Variants in ZNF804A observed in about 807,000 individuals in gnomAD.
ZNF804A encodes the protein zinc finger protein 804A.
Under a neutral mutation model 16.5 loss-of-function variants are expected in ZNF804A, and 2 were observed. The ratio of observed to expected loss-of-function variants is 0.12; its 90% confidence interval spans 0.05 to 0.38. The LOEUF (loss-of-function observed/expected upper bound fraction) is 0.38, where lower values mean the gene tolerates loss of function less well. Among genes scored for constraint, ZNF804A ranks in the 10% least tolerant of loss-of-function variants. ZNF804A has a pLI of 0.99. For missense variants in ZNF804A, 1,473 were observed against 1,390.7 expected, an observed-to-expected ratio of 1.06 and a Z score of -0.94; for synonymous variants, 534 against 489.6, an observed-to-expected ratio of 1.09 and a Z score of -1.20.
chr2:184,642,765 G>A (rs959221326), intron 1 of ZNF804A, among the ~76,000 whole-genome samples: 1 of 152,088 alleles, frequency 6.6e-6, no homozygotes, highest in African/African-American at 2.4e-5. Flanking sequence ...GTGTGCCAAG[G>A]ATGGAAGAAG....
intron 1 of ZNF804A, among the ~76,000 whole-genome samples, chr2:184,742,098 G>A (rs1398291942): frequency 1.3e-5 from 2 of 151,770 alleles, no homozygotes; most frequent in Admixed American, 1.3e-4. Flanking sequence ...AGCCCTGTTG[G>A]TGTAAGTGTA....
intron 1 of ZNF804A, among the ~76,000 whole-genome samples, chr2:184,804,697 C>T (rs1177593044): frequency 6.6e-6 from 1 of 151,802 alleles, no homozygotes; most frequent in Admixed American, 6.6e-5. Context: ...AGGAAATTTA[C>T]AAAAATTGAA....
chr2:184,712,674 T>C (rs1256409779), intron 1 of ZNF804A, among the ~76,000 whole-genome samples: 1 of 151,794 alleles, frequency 6.6e-6, no homozygotes, highest in East Asian at 1.9e-4. Flanking sequence ...GTTGGTTTGA[T>C]GGTGCCCGTA....
chr2:184,921,851 T>C (rs1047251514), intron 2 of ZNF804A, among the ~76,000 whole-genome samples: 2 of 152,124 alleles, frequency 1.3e-5, no homozygotes, highest in African/African-American at 4.8e-5. Context: ...CTCCCATAGA[T>C]AAGTGAGAAT....
intron 3 of ZNF804A, 43 bp from the exon 4 acceptor site, chr2:184,935,740 C>A: frequency 1.4e-6 from 2 of 1,481,308 alleles, no homozygotes; most frequent in South Asian, 1.5e-5. Flanking sequence ...TTTTTTTTCT[C>A]AAAAGTGTGC....
intron 1 of ZNF804A, among the ~76,000 whole-genome samples, chr2:184,855,010 G>A (rs921170584): frequency 3.3e-5 from 5 of 152,040 alleles, no homozygotes; most frequent in Non-Finnish European, 4.4e-5. Flanking sequence ...ATTCATCAAT[G>A]TATTTCCCAA....
intron 2 of ZNF804A, among the ~76,000 whole-genome samples, chr2:184,899,327 C>T (rs577932614): frequency 2.0e-5 from 3 of 152,092 alleles, no homozygotes; most frequent in African/African-American, 4.8e-5. Context: ...ACTTGAGAGG[C>T]ATAGAAGTGC....
chr2:184,633,140 A>T lies in ZNF804A; in HGVS notation c.111+34070A>T, dbSNP rs186638589. ...TAGTTTATTCTATGATGTTTGCCTG[A>T]CCAACAGGAAGCTCACTCTGCATTG... On this transcript the variant is annotated intron_variant, in intron 1 of 3. Transcript: ENST00000302277. 3.0e-3 allele frequency among the ~76,000 whole-genome samples: 460 copies of T among 152,254 alleles called. 12 individuals are homozygous for T. Among genetic ancestry groups the T allele is most frequent in the Admixed American group, 0.023 (357 of 15,278 alleles).
chr2:184,769,728 T>C (rs1484264982), intron 1 of ZNF804A, among the ~76,000 whole-genome samples: 1 of 151,970 alleles, frequency 6.6e-6, no homozygotes, highest in African/African-American at 2.4e-5. Context: ...CCCAGAGATA[T>C]GGATATTCCT....
chr2:184,876,510 C>T (rs1157797274), intron 2 of ZNF804A, among the ~76,000 whole-genome samples: 1 of 152,040 alleles, frequency 6.6e-6, no homozygotes, highest in Admixed American at 6.6e-5. Context: ...CTACAGAGCC[C>T]TCAAACCCAG....
chr2:184,825,119 C>A (rs181987722), intron 1 of ZNF804A, among the ~76,000 whole-genome samples: 1 of 152,244 alleles, frequency 6.6e-6, no homozygotes, highest in Admixed American at 6.6e-5. Flanking sequence ...AATTTATGAG[C>A]TTCTCTTTCC....
At chr2:184,866,269 G>T in intron 1 of ZNF804A, 100 bp from the exon 2 acceptor site, 2 of 1,082,024 alleles carry the variant, frequency 1.8e-6, no homozygotes, top group South Asian at 3.3e-5. Context: ...GCTGTATTCT[G>T]TTTCTAACTC....
chr2:184,889,139 CTCT>C (rs1290114049), intron 2 of ZNF804A, among the ~76,000 whole-genome samples: 1 of 151,680 alleles, frequency 6.6e-6, no homozygotes, highest in African/African-American at 2.4e-5. Context: ...TTCACAATTT[CTCT>C]TCATGTATTT....
At chr2:184,664,322 A>G (rs1439207614) in intron 1 of ZNF804A, among the ~76,000 whole-genome samples, 3 of 152,214 alleles carry the variant, frequency 2.0e-5, no homozygotes, top group African/African-American at 7.2e-5. Context: ...GATATTCATC[A>G]TGTATGTTGA....
chr2:184,729,185 C>G (rs1456596521), intron 1 of ZNF804A, among the ~76,000 whole-genome samples: 1 of 151,666 alleles, frequency 6.6e-6, no homozygotes, highest in Admixed American at 6.6e-5. Context: ...TAAGTGCTCT[C>G]AACACAAAAT....
intron 1 of ZNF804A, among the ~76,000 whole-genome samples, chr2:184,680,679 C>G (rs1692526298): frequency 6.6e-6 from 1 of 152,354 alleles, no homozygotes; most frequent in Non-Finnish European, 1.5e-5. Context: ...TTTACTTGTC[C>G]ATGTTCCTCA....
intron 1 of ZNF804A, among the ~76,000 whole-genome samples, chr2:184,636,116 C>T (rs1691691383): frequency 6.6e-6 from 1 of 151,760 alleles, no homozygotes; most frequent in African/African-American, 2.4e-5. Context: ...TATGCATGTA[C>T]ACGTATACCC....
At chr2:184,782,014 T>C (rs1694378614) in intron 1 of ZNF804A, among the ~76,000 whole-genome samples, 1 of 151,794 alleles carries the variant, frequency 6.6e-6, no homozygotes, top group Non-Finnish European at 1.5e-5. Flanking sequence ...CTTCCCTCTG[T>C]ATGTATCTGT....
chr2:184,809,836 G>A lies in ZNF804A; in HGVS notation c.112-56533G>A, dbSNP rs78788091. On this transcript the variant is annotated intron_variant, in intron 1 of 3. Transcript: ENST00000302277. ...ACCTTGACTCCCCAGATACTCTCTC[G>A]TATATTTTGCTTTATAAATATCGAG... is the stretch of plus-strand genomic sequence containing the variant. Among the ~76,000 whole-genome samples the A allele has an allele frequency of 2.0e-3, 300 of 151,796 alleles. 10 individuals are homozygous for A. In the East Asian group the frequency reaches 0.054, roughly 27 times the overall value.
Sources: gnomAD v4.1 joint callset for allele counts (sites outside exome capture counted in the v4.1 genomes callset) on GRCh38, gnomAD v4.1.1 for gene constraint, MANE v1.5 for transcripts, NCBI Gene and HGNC (gene_info 2026-07-23, HGNC 2026-07-21) for gene names.